ZBTB7C: variants seen among roughly 807,000 people sequenced by gnomAD.
The protein encoded by ZBTB7C is zinc finger and BTB domain containing 7C, also known as zinc finger and BTB domain-containing protein 7C.
Under a neutral mutation model 25.7 loss-of-function variants are expected in ZBTB7C, and 8 were observed. That is an observed-to-expected ratio of 0.31 (90% CI 0.18 to 0.56). The LOEUF is 0.56. Ranked by LOEUF, ZBTB7C falls within the 20% of genes least tolerant of loss-of-function variation. ZBTB7C has a pLI of 0.91. For missense variants in ZBTB7C, 824 were observed against 855.2 expected (o/e 0.96, Z 0.46); for synonymous variants, 394 against 369.0 (o/e 1.07, Z -0.78).
chr18:48,111,416 AT>A (rs1352509760), intron 3 of ZBTB7C, among the ~76,000 whole-genome samples: 3 of 152,256 alleles, frequency 2.0e-5, no homozygotes, highest in Non-Finnish European at 4.4e-5. Flanking sequence ...GGATTTCAAA[AT>A]TAAAAAGTCA....
At chr18:48,091,849 C>T (rs981543286) in intron 3 of ZBTB7C, among the ~76,000 whole-genome samples, 7 of 152,172 alleles carry the variant, frequency 4.6e-5, no homozygotes, top group East Asian at 3.9e-4. Flanking sequence ...AGAGGCCACT[C>T]GGTGGCCTCC....
chr18:48,158,967 G>GAGATA (rs1216500043), intron 3 of ZBTB7C, among the ~76,000 whole-genome samples: 8 of 152,184 alleles, frequency 5.3e-5, no homozygotes, highest in Non-Finnish European at 1.2e-4. Flanking sequence ...GAGGGTAGGG[G>GAGATA]CTGGGGAGAT....
In ZBTB7C at chr18:48,354,054, T is replaced by C. The variant is rs373564265; in HGVS notation, c.-303-15656A>G. Among the ~76,000 whole-genome samples, 44 of 152,320 alleles carry C rather than the reference T, an allele frequency of 2.9e-4. No homozygotes were observed. In the South Asian group the frequency reaches 8.5e-3, roughly 29 times the overall value. ...TGGTAGCAGAAATCGGCCTCCAGTT[T>C]CTCAGATCCTCATTCAACGAAAGCA... is the stretch of plus-strand genomic sequence containing the variant. On this transcript the variant is annotated intron_variant, in intron 1 of 4. Coordinates refer to ENST00000590800, the MANE Select transcript of ZBTB7C (RefSeq NM_001318841.2).
intron 2 of ZBTB7C, among the ~76,000 whole-genome samples, chr18:48,269,002 C>A (rs2044396837): frequency 2.0e-5 from 3 of 148,386 alleles, no homozygotes; most frequent in Admixed American, 6.7e-5. Flanking sequence ...GCTCTGCTGC[C>A]CAGGTTGGAG....
chr18:48,184,975 A>T (rs531499757), intron 3 of ZBTB7C, among the ~76,000 whole-genome samples: 27 of 152,304 alleles, frequency 1.8e-4, no homozygotes, highest in African/African-American at 6.5e-4. Context: ...AGCCATTTTC[A>T]TATCGTGGAG....
chr18:48,177,319 T>A (rs1376550094), intron 3 of ZBTB7C, among the ~76,000 whole-genome samples: 2 of 152,142 alleles, frequency 1.3e-5, no homozygotes, highest in Non-Finnish European at 2.9e-5. Flanking sequence ...GCAAAAGCCT[T>A]TCCTTTTGGC....
At chr18:48,235,809 T>A (rs1027936313) in intron 2 of ZBTB7C, among the ~76,000 whole-genome samples, 4 of 152,210 alleles carry the variant, frequency 2.6e-5, no homozygotes, top group Non-Finnish European at 4.4e-5. Context: ...TTTTCCAGTT[T>A]TGTTGTCCTT....
intron 2 of ZBTB7C, among the ~76,000 whole-genome samples, chr18:48,230,207 G>T (rs1352002656): frequency 2.0e-5 from 3 of 152,154 alleles, no homozygotes; most frequent in Non-Finnish European, 4.4e-5. Context: ...CCTGAAGAAG[G>T]CTTGAAAGCT....
intron 3 of ZBTB7C, among the ~76,000 whole-genome samples, chr18:48,053,574 G>A (rs1598787926): frequency 6.6e-6 from 1 of 152,094 alleles, no homozygotes; most frequent in Non-Finnish European, 1.5e-5. Context: ...GGTGGCTACT[G>A]TCATCATTAT....
chr18:48,326,385 C>T (rs1264935005), intron 2 of ZBTB7C, among the ~76,000 whole-genome samples: 2 of 152,140 alleles, frequency 1.3e-5, no homozygotes, highest in African/African-American at 4.8e-5. Flanking sequence ...CGTGAGTCAC[C>T]ATGCCCGGCC....
chr18:48,394,082 G>A (rs754684552), intron 1 of ZBTB7C, among the ~76,000 whole-genome samples: 1 of 152,036 alleles, frequency 6.6e-6, no homozygotes, highest in Non-Finnish European at 1.5e-5. Context: ...CCATAGTTCA[G>A]CTATTTAATT....
chr18:48,324,677 T>C (rs1048911076), intron 2 of ZBTB7C, among the ~76,000 whole-genome samples: 1 of 152,130 alleles, frequency 6.6e-6, no homozygotes, highest in Non-Finnish European at 1.5e-5. Flanking sequence ...ATCTTACCTT[T>C]ATCCTAAAAG....
intron 3 of ZBTB7C, among the ~76,000 whole-genome samples, chr18:48,107,488 C>T (rs1233186265): frequency 6.6e-6 from 1 of 152,018 alleles, no homozygotes; most frequent in Non-Finnish European, 1.5e-5. Context: ...CTGCCAGGCA[C>T]ACAGCAGGCT....
At chr18:48,198,360 T>C (rs1458541829) in intron 2 of ZBTB7C, among the ~76,000 whole-genome samples, 1 of 152,162 alleles carries the variant, frequency 6.6e-6, no homozygotes, top group Non-Finnish European at 1.5e-5. Context: ...CAGTTTCGAG[T>C]GCTGCTCTAA....
At chr18:48,187,106 G>T (rs2042074447) in intron 2 of ZBTB7C, among the ~76,000 whole-genome samples, 1 of 152,182 alleles carries the variant, frequency 6.6e-6, no homozygotes, top group South Asian at 2.1e-4. Context: ...GAGGGTCTTA[G>T]CACACAAGCA....
At position 48,029,195 on chromosome 18, in the gene ZBTB7C, G is replaced by A; in HGVS notation, c.*65C>T. 6.8e-7 allele frequency: 1 copy of A among 1,477,446 alleles called. No homozygotes were observed. The highest frequency in any genetic ancestry group is 8.9e-7 in the Non-Finnish European group (1 of 1,123,756). The allele number at this position is 1,477,446 out of a possible 1,614,324, so 91.5% of individuals were successfully genotyped here. A position where few individuals can be genotyped will look rare whatever the true frequency, so the allele number is the denominator to read the frequency against. On this transcript the variant is annotated 3_prime_UTR_variant, in exon 5 of 5. Transcript: ENST00000590800. ...ATGAAAAGTTCAGATCCATGGGGTA[G>A]GGTAGAGTGGGCCTGGAGGGAGAAG...
At chr18:48,164,184 C>A (rs1028010593) in intron 3 of ZBTB7C, among the ~76,000 whole-genome samples, 1 of 152,138 alleles carries the variant, frequency 6.6e-6, no homozygotes, top group African/African-American at 2.4e-5. Flanking sequence ...TCATGAAATA[C>A]CAAAGGGGCT....
In ZBTB7C at chr18:48,040,714, C is replaced by T. The variant is rs115080210; in HGVS notation, c.394G>A (p.Asp132Asn). 3 of 1,612,402 alleles carry T rather than the reference C, an allele frequency of 1.9e-6. No homozygotes were observed. Among genetic ancestry groups the T allele is most frequent in the African/African-American group, 1.3e-5 (1 of 74,802 alleles). The part of the protein sequence containing the change: ...VCLEIMEPGG[D>N]GGEEDDKEDD... ...TCCTTGTCATCCTCCTCCCCCCCGT[C>T]CCCCCCAGGCTCCATGATCTCCAGG... Residue 132 changes from aspartate to asparagine, a missense_variant, in exon 4 of 5, where the codon GAC (aspartate) becomes AAC (asparagine). Physicochemically the swap from Asp to Asn is conservative, Grantham distance 23. Coordinates refer to ENST00000590800, the MANE Select transcript of ZBTB7C (RefSeq NM_001318841.2).
intron 1 of ZBTB7C, among the ~76,000 whole-genome samples, chr18:48,339,105 A>G (rs1162115375): frequency 6.6e-6 from 1 of 152,246 alleles, no homozygotes; most frequent in Admixed American, 6.5e-5. Context: ...GGAGGGGCCA[A>G]AGTCCTTCTG....
Sources: gnomAD v4.1 joint callset for allele counts (sites outside exome capture counted in the v4.1 genomes callset) on GRCh38, gnomAD v4.1.1 for gene constraint, MANE v1.5 for transcripts, NCBI Gene and HGNC (gene_info 2026-07-23, HGNC 2026-07-21) for gene names.